KRTAP15-1: variants seen among roughly 807,000 people sequenced by gnomAD.
KRTAP15-1 encodes keratin associated protein 15-1.
For synonymous variants in KRTAP15-1, 65 were observed against 59.6 expected, an observed-to-expected ratio of 1.09 and a Z score of -0.42; for missense variants, 181 against 156.8, an observed-to-expected ratio of 1.15 and a Z score of -0.83.
chr21:30,440,728 C>G lies in KRTAP15-1; in HGVS notation c.401C>G (p.Ala134Gly). The change falls in exon 1 of 1, where the codon GCA (alanine) becomes GGA (glycine). Residue 134 changes from alanine to glycine, a missense_variant. Ala to Gly is a moderately conservative substitution (Grantham distance 60, BLOSUM62 0). Transcript: ENST00000334067. ...PTTFSSRNFQATCY is the reference protein window; with the variant it reads ...PTTFSSRNFQGTCY ...ACCTTTTCATCCAGGAATTTCCAGG[C>G]AACTTGTTACTAACCAGCCTTTGGG... The G allele has an allele frequency of 6.2e-7, 1 of 1,612,150 alleles. No homozygotes were observed. Among genetic ancestry groups the G allele is most frequent in the South Asian group, 1.1e-5 (1 of 90,832 alleles).
Position 30,440,795 on chromosome 21 carries a change from C to G in KRTAP15-1, c.*54C>G. On this transcript the variant is annotated 3_prime_UTR_variant, in exon 1 of 1. Coordinates refer to ENST00000334067, the MANE Select transcript of KRTAP15-1 (RefSeq NM_181623.3). ...CATCTTACTGAATATTCTCCATTCT[C>G]TCATGATTATTTCTGTACTCTATGG... 6.7e-7 allele frequency: 1 copy of G among 1,495,148 alleles called. No homozygotes were observed. Among genetic ancestry groups the G allele is most frequent in the South Asian group, 1.3e-5 (1 of 77,992 alleles). 92.6% of individuals were successfully genotyped at this position (1,495,148 alleles called of 1,614,324 possible).
Position 30,440,446 on chromosome 21 carries a change from C to A in KRTAP15-1, c.119C>A (p.Thr40Asn), listed in dbSNP as rs779409161. 3.1e-6 allele frequency: 5 copies of A among 1,614,164 alleles called. No individual in the cohort carries two copies. The Admixed American group carries it at 8.3e-5, about 27-fold the overall frequency. Residue 40 changes from threonine (T) to asparagine (N), a missense_variant, in exon 1 of 1, where the codon ACC becomes AAC. Physicochemically the swap from Thr to Asn is moderately conservative, Grantham distance 65 (BLOSUM62 0). Transcript: ENST00000334067. The stretch of plus-strand genomic sequence containing the variant: ...AGCAATGCCATCTATTCTCCAAATA[C>A]CTGCCAACTGGGCTCCTCTCTCTAC... The part of the protein sequence containing the change: ...YPSNAIYSPN[T>N]CQLGSSLYNG...
chr21:30,440,868 C>T lies in KRTAP15-1; in HGVS notation c.*127C>T. 2 of 900,916 alleles carry T rather than the reference C, an allele frequency of 2.2e-6. No homozygotes were observed. The highest frequency in any genetic ancestry group is 3.3e-5 in the South Asian group (2 of 60,504). 55.8% of individuals were successfully genotyped at this position (900,916 alleles called of 1,614,324 possible). The stretch of plus-strand genomic sequence containing the variant: ...AATATCTGTGATTGTTGACCATCTA[C>T]ATCAGTAGGACTCAGCATCCTAGCC... On this transcript the variant is annotated 3_prime_UTR_variant, in exon 1 of 1. Coordinates refer to ENST00000334067, the MANE Select transcript of KRTAP15-1 (RefSeq NM_181623.3).
rs565558828 is a variant in KRTAP15-1, at chr21:30,440,758, G to A, written c.*17G>A. On this transcript the variant is annotated 3_prime_UTR_variant, in exon 1 of 1. Transcript: ENST00000334067. ...TGTTACTAACCAGCCTTTGGGTCTCGCCTTTTTGGATCATCTTACTGAATA... is the reference window on the plus strand; with the variant it reads ...TGTTACTAACCAGCCTTTGGGTCTCACCTTTTTGGATCATCTTACTGAATA... 1.4e-5 allele frequency: 23 copies of A among 1,593,270 alleles called. No homozygotes were observed. Among genetic ancestry groups the A allele is most frequent in the African/African-American group, 9.5e-5 (7 of 74,016 alleles).
At position 30,440,587 on chromosome 21, in the gene KRTAP15-1, G is replaced by C; in HGVS notation, c.260G>C (p.Arg87Pro). The C allele has an allele frequency of 1.4e-5, 23 of 1,614,088 alleles. No homozygotes were observed. Among genetic ancestry groups the C allele is most frequent in the Non-Finnish European group, 1.8e-5 (21 of 1,180,014 alleles). The change falls in exon 1 of 1, where the codon CGC becomes CCC. Residue 87 changes from arginine to proline, a missense_variant. By Grantham distance (103) the Arg-to-Pro change is moderately radical. Transcript: ENST00000334067. ...AAGAATTCCATCTTCTGCAGTCCCCGCCAGACTAACTACATAAGATCCCTT... is the reference window on the plus strand; with the variant it reads ...AAGAATTCCATCTTCTGCAGTCCCCCCCAGACTAACTACATAAGATCCCTT... Reference protein sequence around the residue: ...CPKNSIFCSPRQTNYIRSLGC... With the variant: ...CPKNSIFCSPPQTNYIRSLGC...
Position 30,440,730 on chromosome 21 carries a change from A to G in KRTAP15-1, c.403A>G (p.Thr135Ala), listed in dbSNP as rs774216529. The change falls in exon 1 of 1, where the codon ACT becomes GCT. Residue 135 changes from threonine (T) to alanine (A), a missense_variant. Thr to Ala is a moderately conservative substitution (Grantham distance 58, BLOSUM62 0). Coordinates refer to ENST00000334067, the MANE Select transcript of KRTAP15-1 (RefSeq NM_181623.3). The stretch of plus-strand genomic sequence containing the variant: ...CTTTTCATCCAGGAATTTCCAGGCA[A>G]CTTGTTACTAACCAGCCTTTGGGTC... ...TTFSSRNFQA[T>A]CY is the part of the protein sequence containing the mutation. The G allele has an allele frequency of 3.1e-6, 5 of 1,612,068 alleles. No individual in the cohort carries two copies. The highest frequency in any genetic ancestry group is 4.2e-6 in the Non-Finnish European group (5 of 1,179,058).
rs777264481 is a variant in KRTAP15-1 at position 30,440,356 on chromosome 21, TCTC to T, written c.35_37del (p.Ser12del). 12 of 1,611,134 alleles carry T rather than the reference TCTC, an allele frequency of 7.4e-6. No individual in the cohort carries two copies. Among genetic ancestry groups the T allele is most frequent in the Non-Finnish European group, 9.3e-6 (11 of 1,178,516 alleles). On this transcript the variant is annotated inframe_deletion, in exon 1 of 1. Coordinates refer to ENST00000334067, the MANE Select transcript of KRTAP15-1 (RefSeq NM_181623.3). ...TCTTACAACTGCAGCTCTGGAAACT[TCTC>T]CTCCTGCTGTTTTGGAAGTTACCTG...
chr21:30,440,390 T>C lies in KRTAP15-1; in HGVS notation c.63T>C (p.Tyr21=), dbSNP rs756415216. Residue 21 remains tyrosine (Y), a synonymous_variant, in exon 1 of 1, where the codon TAT becomes TAC. Transcript: ENST00000334067. ...GCTGTTTTGGAAGTTACCTGAGGTA[T>C]CCAGTTTCCACTTATAATTTGTTCT... is the stretch of plus-strand genomic sequence containing the variant. ...SSCCFGSYLR[Y]PVSTYNLFYP... The C allele has an allele frequency of 1.3e-5, 21 of 1,613,916 alleles. No individual in the cohort carries two copies. In the Admixed American group the frequency reaches 3.5e-4, roughly 27 times the overall value.
chr21:30,440,789 C>A lies in KRTAP15-1; in HGVS notation c.*48C>A. On this transcript the variant is annotated 3_prime_UTR_variant, in exon 1 of 1. Transcript: ENST00000334067. ...TTGGATCATCTTACTGAATATTCTCCATTCTCTCATGATTATTTCTGTACT... is the reference window on the plus strand; with the variant it reads ...TTGGATCATCTTACTGAATATTCTCAATTCTCTCATGATTATTTCTGTACT... 6.6e-7 allele frequency: 1 copy of A among 1,506,236 alleles called. No individual in the cohort carries two copies. The highest frequency in any genetic ancestry group is 1.3e-5 in the South Asian group (1 of 78,894). 93.3% of individuals were successfully genotyped at this position (1,506,236 alleles called of 1,614,324 possible). A position where few individuals can be genotyped will look rare whatever the true frequency, so the allele number is the denominator to read the frequency against.
In KRTAP15-1 at chr21:30,440,828, A is replaced by T; in HGVS notation, c.*87A>T. 2 of 1,254,806 alleles carry T rather than the reference A, an allele frequency of 1.6e-6. No homozygotes were observed. The highest frequency in any genetic ancestry group is 2.2e-6 in the Non-Finnish European group (2 of 890,906). The allele number at this position is 1,254,806 out of a possible 1,614,324, so 77.7% of individuals were successfully genotyped here. A position where few individuals can be genotyped will look rare whatever the true frequency, so the allele number is the denominator to read the frequency against. ...TATTTCTGTACTCTATGGAACTGCA[A>T]CACTCAGCCTGTCCAATATCTGTGA... is the stretch of plus-strand genomic sequence containing the variant. On this transcript the variant is annotated 3_prime_UTR_variant, in exon 1 of 1. Transcript: ENST00000334067.
chr21:30,440,852 G>T lies in KRTAP15-1; in HGVS notation c.*111G>T, dbSNP rs893006313. Reference sequence around the variant, plus strand: ...AACACTCAGCCTGTCCAATATCTGTGATTGTTGACCATCTACATCAGTAGG... The same window carrying T: ...AACACTCAGCCTGTCCAATATCTGTTATTGTTGACCATCTACATCAGTAGG... On this transcript the variant is annotated 3_prime_UTR_variant, in exon 1 of 1. Transcript: ENST00000334067. The T allele has an allele frequency of 2.9e-6, 3 of 1,050,794 alleles. No homozygotes were observed. The highest frequency in any genetic ancestry group is 3.2e-5 in the African/African-American group (2 of 62,548). 65.1% of individuals were successfully genotyped at this position (1,050,794 alleles called of 1,614,324 possible). A position where few individuals can be genotyped will look rare whatever the true frequency, so the allele number is the denominator to read the frequency against.
chr21:30,440,520 T>G lies in KRTAP15-1; in HGVS notation c.193T>G (p.Cys65Gly). Residue 65 changes from cysteine to glycine, a missense_variant, in exon 1 of 1, where the codon TGC (cysteine) becomes GGC (glycine). Coordinates refer to ENST00000334067, the MANE Select transcript of KRTAP15-1 (RefSeq NM_181623.3). ...YCEPTSCQTS[C>G]TLARSYQTSC... ...TGAGCCCACCAGCTGCCAGACATCCTGCACTTTGGCCAGATCCTATCAGAC... is the reference window on the plus strand; with the variant it reads ...TGAGCCCACCAGCTGCCAGACATCCGGCACTTTGGCCAGATCCTATCAGAC... 1 of 1,614,226 alleles carries G rather than the reference T, an allele frequency of 6.2e-7. No individual in the cohort carries two copies. Among genetic ancestry groups the G allele is most frequent in the Non-Finnish European group, 8.5e-7 (1 of 1,180,034 alleles).
At position 30,440,634 on chromosome 21, in the gene KRTAP15-1, G is replaced by A. The variant is rs773845245; in HGVS notation, c.307G>A (p.Gly103Arg). Residue 103 changes from glycine to arginine, a missense_variant, in exon 1 of 1, where the codon GGA becomes AGA. Gly to Arg is a moderately radical substitution (Grantham distance 125, BLOSUM62 -2). Transcript: ENST00000334067. ...CCTTGGATGTGGAAACACTGGCCTT[G>A]GATCTCTTGGTTGTGGAAGCACTGG... is the stretch of plus-strand genomic sequence containing the variant. ...RSLGCGNTGL[G>R]SLGCGSTGFQ... 1.2e-6 allele frequency: 2 copies of A among 1,614,060 alleles called. No individual in the cohort carries two copies. The highest frequency in any genetic ancestry group is 2.7e-5 in the African/African-American group (2 of 74,904).
chr21:30,440,391 C>T lies in KRTAP15-1; in HGVS notation c.64C>T (p.Pro22Ser), dbSNP rs749763094. ...SCCFGSYLRY[P>S]VSTYNLFYPS... is the part of the protein sequence containing the mutation. ...CTGTTTTGGAAGTTACCTGAGGTATCCAGTTTCCACTTATAATTTGTTCTA... is the reference window on the plus strand; with the variant it reads ...CTGTTTTGGAAGTTACCTGAGGTATTCAGTTTCCACTTATAATTTGTTCTA... Residue 22 changes from proline (P) to serine (S), a missense_variant, in exon 1 of 1, where the codon CCA becomes TCA. By Grantham distance (74) the Pro-to-Ser change is moderately conservative. Coordinates refer to ENST00000334067, the MANE Select transcript of KRTAP15-1 (RefSeq NM_181623.3). 3 of 1,613,976 alleles carry T rather than the reference C, an allele frequency of 1.9e-6. No homozygotes were observed. The highest frequency in any genetic ancestry group is 2.5e-6 in the Non-Finnish European group (3 of 1,179,894).
Position 30,440,620 on chromosome 21 carries a change from G to A in KRTAP15-1, c.293G>A (p.Gly98Glu). 1 of 1,614,150 alleles carries A rather than the reference G, an allele frequency of 6.2e-7. No individual in the cohort carries two copies. The highest frequency in any genetic ancestry group is 8.5e-7 in the Non-Finnish European group (1 of 1,180,026). The stretch of plus-strand genomic sequence containing the variant: ...AACTACATAAGATCCCTTGGATGTG[G>A]AAACACTGGCCTTGGATCTCTTGGT... ...QTNYIRSLGC[G>E]NTGLGSLGCG... is the part of the protein sequence containing the mutation. Residue 98 changes from glycine (G) to glutamate (E), a missense_variant, in exon 1 of 1, where the codon GGA becomes GAA. Physicochemically the swap from Gly to Glu is moderately conservative, Grantham distance 98. Transcript: ENST00000334067.
chr21:30,440,788 C>T lies in KRTAP15-1; in HGVS notation c.*47C>T. ...TTTGGATCATCTTACTGAATATTCTCCATTCTCTCATGATTATTTCTGTAC... is the reference window on the plus strand; with the variant it reads ...TTTGGATCATCTTACTGAATATTCTTCATTCTCTCATGATTATTTCTGTAC... On this transcript the variant is annotated 3_prime_UTR_variant, in exon 1 of 1. Coordinates refer to ENST00000334067, the MANE Select transcript of KRTAP15-1 (RefSeq NM_181623.3). The T allele has an allele frequency of 6.6e-7, 1 of 1,512,938 alleles. No individual in the cohort carries two copies. The highest frequency in any genetic ancestry group is 9.0e-7 in the Non-Finnish European group (1 of 1,112,500). 93.7% of individuals were successfully genotyped at this position (1,512,938 alleles called of 1,614,324 possible). A position where few individuals can be genotyped will look rare whatever the true frequency, so the allele number is the denominator to read the frequency against.
Position 30,440,282 on chromosome 21 carries a change from ACACG to A in KRTAP15-1, c.-44_-41del, listed in dbSNP as rs1441175556. ...AGTATAGAAGGTAACATTCACACAC[ACACG>A]CTCCTCACTGCAAATCACCTGAGCT... is the stretch of plus-strand genomic sequence containing the variant. On this transcript the variant is annotated 5_prime_UTR_variant, in exon 1 of 1. Transcript: ENST00000334067. 2 of 1,506,712 alleles carry A rather than the reference ACACG, an allele frequency of 1.3e-6. No homozygotes were observed. The highest frequency in any genetic ancestry group is 2.3e-5 in the East Asian group (1 of 44,390). The allele number at this position is 1,506,712 out of a possible 1,614,324, so 93.3% of individuals were successfully genotyped here.
In KRTAP15-1 at chr21:30,440,499, C is replaced by A; in HGVS notation, c.172C>A (p.Pro58Thr). 1 of 1,614,120 alleles carries A rather than the reference C, an allele frequency of 6.2e-7. No individual in the cohort carries two copies. Among genetic ancestry groups the A allele is most frequent in the Non-Finnish European group, 8.5e-7 (1 of 1,179,954 alleles). The change falls in exon 1 of 1, where the codon CCC becomes ACC. Residue 58 changes from proline to threonine, a missense_variant. By Grantham distance (38) the Pro-to-Thr change is conservative. Coordinates refer to ENST00000334067, the MANE Select transcript of KRTAP15-1 (RefSeq NM_181623.3). ...YNGCQETYCE[P>T]TSCQTSCTLA... The stretch of plus-strand genomic sequence containing the variant: ...TGGCTGTCAGGAGACCTACTGTGAG[C>A]CCACCAGCTGCCAGACATCCTGCAC...
At chr21:30,440,337 A>AATGTGTT in the KRTAP15-1 span, 1 of 1,602,958 alleles carries the variant, frequency 6.2e-7, no homozygotes, top group South Asian at 1.1e-5. Flanking sequence ...CATGTCTTAC[A>AATGTGTT]ACTGCAGCTC....
Sources: allele counts gnomAD v4.1 joint callset, GRCh38; gene constraint gnomAD v4.1.1; transcripts MANE v1.5; gene names NCBI Gene and HGNC (gene_info 2026-07-23, HGNC 2026-07-21).